PRKCA: variants seen among roughly 807,000 people sequenced by gnomAD.
PRKCA encodes the protein protein kinase C alpha.
In PRKCA, 27 loss-of-function variants were observed where a neutral mutation model predicts 87.0. That is an observed-to-expected ratio of 0.31 (90% CI 0.23 to 0.43). PRKCA has a LOEUF of 0.43. PRKCA is among the 20% of genes least tolerant of loss of function. The pLI is 1.00. For synonymous variants in PRKCA, 329 were observed against 311.1 expected (o/e 1.06, Z -0.61); for missense variants, 518 against 852.3 (o/e 0.61, Z 4.88).
chr17:66,619,816 G>A (rs1332544450), intron 3 of PRKCA, among the ~76,000 whole-genome samples: 1 of 152,208 alleles, frequency 6.6e-6, no homozygotes, highest in East Asian at 1.9e-4. Flanking sequence ...GGATGTGAGA[G>A]TGAAGCTGCC....
chr17:66,724,449 C>T (rs75303914), intron 8 of PRKCA, among the ~76,000 whole-genome samples: 3 of 152,142 alleles, frequency 2.0e-5, no homozygotes, highest in Admixed American at 6.5e-5. Flanking sequence ...GGTCCCCCAC[C>T]GCTTTCTTTA....
intron 2 of PRKCA, among the ~76,000 whole-genome samples, chr17:66,406,972 T>C (rs183200144): frequency 3.0e-4 from 46 of 152,316 alleles, no homozygotes; most frequent in African/African-American, 1.1e-3. Flanking sequence ...ATTGCACTTC[T>C]AAAGAGGTCT....
chr17:66,372,912 C>T (rs1223667202), intron 2 of PRKCA, among the ~76,000 whole-genome samples: 2 of 152,050 alleles, frequency 1.3e-5, no homozygotes, highest in East Asian at 1.9e-4. Context: ...CAAAAATTAG[C>T]CGGGCTTGGT....
At position 66,665,091 on chromosome 17, in the gene PRKCA, C is replaced by T. The variant is rs185525241; in HGVS notation, c.529+19580C>T. ...ACCCAGCATGTTCTCAGTGTGTGTC[C>T]GAATAACACTGGAGGGTTTTTTCTG... On this transcript the variant is annotated intron_variant, in intron 5 of 16. Coordinates refer to ENST00000413366, the MANE Select transcript of PRKCA (RefSeq NM_002737.3). 1.0e-3 allele frequency among the ~76,000 whole-genome samples: 153 copies of T among 152,152 alleles called. 1 individual carries two copies. The Middle Eastern group carries it at 0.02, about 20-fold the overall frequency.
At chr17:66,338,723 A>T (rs1906855453) in intron 2 of PRKCA, among the ~76,000 whole-genome samples, 1 of 152,192 alleles carries the variant, frequency 6.6e-6, no homozygotes, top group Non-Finnish European at 1.5e-5. Context: ...GATGAAAAAA[A>T]ATATTTTGTG....
At chr17:66,750,270 A>G (rs1191753433) in intron 13 of PRKCA, among the ~76,000 whole-genome samples, 1 of 151,956 alleles carries the variant, frequency 6.6e-6, no homozygotes, top group Non-Finnish European at 1.5e-5. Context: ...TGAAAGAAAC[A>G]GAATGATAAA....
At chr17:66,659,428 G>A (rs907869544) in intron 5 of PRKCA, among the ~76,000 whole-genome samples, 4 of 152,098 alleles carry the variant, frequency 2.6e-5, no homozygotes, top group Admixed American at 6.5e-5. Context: ...TGAAAGTCAA[G>A]GATGTAGGCT....
At chr17:66,793,172 C>A (rs1975580282) in intron 16 of PRKCA, among the ~76,000 whole-genome samples, 1 of 152,174 alleles carries the variant, frequency 6.6e-6, no homozygotes, top group African/African-American at 2.4e-5. Context: ...TGTGAAGCAT[C>A]CTCTGCTCCC....
At chr17:66,322,167 G>A (rs2143219563) in intron 2 of PRKCA, among the ~76,000 whole-genome samples, 1 of 152,320 alleles carries the variant, frequency 6.6e-6, no homozygotes, top group South Asian at 2.1e-4. Context: ...GAAGGCCAAA[G>A]ATCTTATGTC....
At chr17:66,502,821 AT>A (rs994731875) in intron 3 of PRKCA, among the ~76,000 whole-genome samples, 63 of 146,664 alleles carry the variant, frequency 4.3e-4, no homozygotes, top group Middle Eastern at 3.5e-3. Flanking sequence ...CACCTGGCTA[AT>A]TTTTTTTTTT....
At chr17:66,503,139 T>C (rs1916819519) in intron 3 of PRKCA, among the ~76,000 whole-genome samples, 1 of 152,000 alleles carries the variant, frequency 6.6e-6, no homozygotes, top group East Asian at 1.9e-4. Context: ...GGGAGAGGGA[T>C]TTGTTAAAAG....
intron 2 of PRKCA, among the ~76,000 whole-genome samples, chr17:66,349,737 T>C (rs192743699): frequency 7.8e-4 from 119 of 152,216 alleles, no homozygotes; most frequent in African/African-American, 2.8e-3. Flanking sequence ...TAGAACAGTG[T>C]TTGGCCTGGC....
intron 3 of PRKCA, among the ~76,000 whole-genome samples, chr17:66,534,548 T>C (rs1045925291): frequency 1.3e-5 from 2 of 152,108 alleles, no homozygotes; most frequent in Admixed American, 1.3e-4. Context: ...GCGCCTGTAG[T>C]CCCAGCTACT....
chr17:66,756,389 C>T (rs1200896843), intron 13 of PRKCA, among the ~76,000 whole-genome samples: 2 of 152,008 alleles, frequency 1.3e-5, no homozygotes, highest in Non-Finnish European at 2.9e-5. Flanking sequence ...GGTCACAATC[C>T]ACAGGCACAG....
intron 2 of PRKCA, among the ~76,000 whole-genome samples, chr17:66,474,910 A>G (rs1327575189): frequency 6.6e-6 from 1 of 152,164 alleles, no homozygotes; most frequent in Non-Finnish European, 1.5e-5. Context: ...GTGACCACTC[A>G]GTCCTCTCTT....
chr17:66,792,001 A>C lies in PRKCA; in HGVS notation c.1854+3022A>C. 6.6e-6 allele frequency among the ~76,000 whole-genome samples: 1 copy of C among 152,238 alleles called. No homozygotes were observed. The highest frequency in any genetic ancestry group is 1.9e-4 in the East Asian group (1 of 5,204). ...GAGAGATGTAGCAATGCCAGCCTAAATAGTGCTGCTGGAGAAACGATCAGG... is the reference window on the plus strand; with the variant it reads ...GAGAGATGTAGCAATGCCAGCCTAACTAGTGCTGCTGGAGAAACGATCAGG... On this transcript the variant is annotated intron_variant, in intron 16 of 16. Coordinates refer to ENST00000413366, the MANE Select transcript of PRKCA (RefSeq NM_002737.3). The surrounding 1 kb of genome is among the most constrained non-coding windows in gnomAD (Gnocchi z 4.5).
chr17:66,583,805 G>A (rs1230447448), intron 3 of PRKCA, among the ~76,000 whole-genome samples: 4 of 152,170 alleles, frequency 2.6e-5, no homozygotes, highest in Admixed American at 2.0e-4. Context: ...AAAGCCTGAA[G>A]CTGTTACAGT....
intron 2 of PRKCA, among the ~76,000 whole-genome samples, chr17:66,468,617 G>C (rs1347401380): frequency 7.4e-6 from 1 of 134,858 alleles, no homozygotes; most frequent in Non-Finnish European, 1.5e-5. Flanking sequence ...AAATGCCCAG[G>C]GTTGTCTGAG....
chr17:66,779,709 T>A lies in PRKCA; in HGVS notation c.1605+5642T>A, dbSNP rs61762785. Among the ~76,000 whole-genome samples, 302 of 152,270 alleles carry A rather than the reference T, an allele frequency of 2.0e-3. 1 individual carries two copies. The highest frequency in any genetic ancestry group is 6.9e-3 in the African/African-American group (288 of 41,554). The stretch of plus-strand genomic sequence containing the variant: ...GAACCATCACTCCTCATGTGTTGGT[T>A]TCCACAAATCACATATTGTTAAAGT... On this transcript the variant is annotated intron_variant, in intron 14 of 16. Coordinates refer to ENST00000413366, the MANE Select transcript of PRKCA (RefSeq NM_002737.3).
Sources: gnomAD v4.1 joint callset for allele counts (sites outside exome capture counted in the v4.1 genomes callset) on GRCh38, gnomAD v4.1.1 for gene constraint, Gnocchi (gnomAD v3.1) non-coding constraint, MANE v1.5 for transcripts, NCBI Gene and HGNC (gene_info 2026-07-23, HGNC 2026-07-21) for gene names.